Variants in CNTNAP1 observed in about 807,000 individuals in gnomAD.
The protein encoded by CNTNAP1 is contactin-associated protein 1.
In CNTNAP1, 80 loss-of-function variants were observed where a neutral mutation model predicts 161.5. The observed-to-expected ratio is 0.50, with a 90% confidence interval of 0.41 to 0.60. CNTNAP1 has a LOEUF of 0.60. Among genes scored for constraint, CNTNAP1 ranks in the 20% least tolerant of loss-of-function variants. CNTNAP1 has a pLI of 0.00. For synonymous variants in CNTNAP1, 695 were observed against 733.1 expected (o/e 0.95, Z 0.84); for missense variants, 1,464 against 1,854.8 (o/e 0.79, Z 3.87).
intron 6 of CNTNAP1, among the ~76,000 whole-genome samples, 189 bp from the exon 7 acceptor site, chr17:42,686,714 G>A (rs2143652549): frequency 6.6e-6 from 1 of 152,376 alleles, no homozygotes; most frequent in African/African-American, 2.4e-5. Context: ...GCCGATTTGT[G>A]TTGGAGTCAG....
intron 12 of CNTNAP1, 95 bp downstream of exon 12, chr17:42,690,302 A>G (rs1226823695): frequency 6.1e-6 from 9 of 1,465,062 alleles, no homozygotes; most frequent in Non-Finnish European, 8.5e-6. Flanking sequence ...AGTGAGGGTA[A>G]AGGAGGACAG....
chr17:42,683,500 G>T, intron 1 of CNTNAP1: 1 of 1,191,468 alleles, frequency 8.4e-7, no homozygotes, highest in Non-Finnish European at 1.0e-6. Flanking sequence ...GTTGACTTAG[G>T]TTGTGGAAGA....
In CNTNAP1 at chr17:42,689,511, C is replaced by T. The variant is rs900659442; in HGVS notation, c.1629-10C>T. On this transcript the variant is annotated splice_polypyrimidine_tract_variant and intron_variant, in intron 10 of 23. Coordinates refer to ENST00000264638, the MANE Select transcript of CNTNAP1 (RefSeq NM_003632.3). ...AAGGCTCCTTCCCTTGGTCCTGACC[C>T]CTTCCCTAGGTGCAGCCCTAACATG... is the stretch of plus-strand genomic sequence containing the variant. 12 of 1,610,506 alleles carry T rather than the reference C, an allele frequency of 7.5e-6. No homozygotes were observed. Among genetic ancestry groups the T allele is most frequent in the Non-Finnish European group, 9.3e-6 (11 of 1,177,574 alleles).
chr17:42,693,208 C>T, intron 17 of CNTNAP1, 89 bp from the exon 18 acceptor site: 1 of 1,492,622 alleles, frequency 6.7e-7, no homozygotes, highest in Non-Finnish European at 9.2e-7. Context: ...ATTCGCCCGC[C>T]TCGGCCTCCC....
At chr17:42,696,707 G>A (rs2143677641) in intron 20 of CNTNAP1, among the ~76,000 whole-genome samples, 1 of 152,232 alleles carries the variant, frequency 6.6e-6, no homozygotes, top group South Asian at 2.1e-4. Context: ...TCAGGAGGGT[G>A]AGGCAGGAAA....
chr17:42,688,633 C>G (rs938019289), intron 9 of CNTNAP1, 22 bp downstream of exon 9: 4 of 1,614,066 alleles, frequency 2.5e-6, no homozygotes, highest in Non-Finnish European at 2.5e-6. Flanking sequence ...CCAACCTGAC[C>G]AGACCTCTGT....
chr17:42,684,363 G>A (rs947597608), intron 3 of CNTNAP1, 134 bp downstream of exon 3: 1 of 806,218 alleles, frequency 1.2e-6, no homozygotes, highest in Non-Finnish European at 2.0e-6. Flanking sequence ...CCACTCCAGG[G>A]ACTCTGTCCA....
chr17:42,689,510 C>T lies in CNTNAP1; in HGVS notation c.1629-11C>T, dbSNP rs1430220341. On this transcript the variant is annotated splice_polypyrimidine_tract_variant and intron_variant, in intron 10 of 23. Coordinates refer to ENST00000264638, the MANE Select transcript of CNTNAP1 (RefSeq NM_003632.3). ...TAAGGCTCCTTCCCTTGGTCCTGAC[C>T]CCTTCCCTAGGTGCAGCCCTAACAT... is the stretch of plus-strand genomic sequence containing the variant. 4 of 1,609,646 alleles carry T rather than the reference C, an allele frequency of 2.5e-6. No individual in the cohort carries two copies. Among genetic ancestry groups the T allele is most frequent in the Non-Finnish European group, 3.4e-6 (4 of 1,176,736 alleles).
chr17:42,690,147 A>C lies in CNTNAP1; in HGVS notation c.1795A>C (p.Thr599Pro). 1 of 1,613,894 alleles carries C rather than the reference A, an allele frequency of 6.2e-7. No individual in the cohort carries two copies. The highest frequency in any genetic ancestry group is 8.5e-7 in the Non-Finnish European group (1 of 1,179,930). ...RLSGKTSGNFTIDPDGSGPLK... is the reference protein window; with the variant it reads ...RLSGKTSGNFPIDPDGSGPLK... ...CAGTGGGAAAACTTCTGGAAACTTC[A>C]CCATTGATCCTGATGGCAGTGGCCC... Residue 599 changes from threonine to proline, a missense_variant, in exon 12 of 24, where the codon ACC becomes CCC. This residue lies in a region of CNTNAP1 where 1,383 missense variants were observed against 1,765.0 expected (regional missense o/e 0.78). Coordinates refer to ENST00000264638, the MANE Select transcript of CNTNAP1 (RefSeq NM_003632.3).
At position 42,698,828 on chromosome 17, in the gene CNTNAP1, C is replaced by T. The variant is rs745794725; in HGVS notation, c.4073C>T (p.Ala1358Val). The T allele has an allele frequency of 1.1e-5, 17 of 1,601,956 alleles. No homozygotes were observed. The African/African-American group carries it at 1.7e-4, about 16-fold the overall frequency. ...APNQAPASAP[A>V]PAPTPAPAPG... is the part of the protein sequence containing the mutation. The stretch of plus-strand genomic sequence containing the variant: ...AACCAAGCTCCAGCCTCAGCCCCAG[C>T]CCCAGCCCCAACTCCAGCCCCAGCC... The change falls in exon 24 of 24, where the codon GCC (alanine) becomes GTC (valine). Residue 1358 changes from alanine to valine, a missense_variant. Ala to Val is a moderately conservative substitution (Grantham distance 64). Transcript: ENST00000264638.
Position 42,687,508 on chromosome 17 carries a change from G to A in CNTNAP1, c.1045-212G>A. The A allele has an allele frequency of 3.2e-6, 2 of 618,686 alleles. No individual in the cohort carries two copies. The highest frequency in any genetic ancestry group is 4.1e-5 in the South Asian group (2 of 49,240). 38.3% of individuals were successfully genotyped at this position (618,686 alleles called of 1,614,324 possible). A position where few individuals can be genotyped will look rare whatever the true frequency, so the allele number is the denominator to read the frequency against. On this transcript the variant is annotated intron_variant, in intron 7 of 23. Transcript: ENST00000264638. This position sits in a 1 kb window ranked among gnomAD's most constrained non-coding sequence, Gnocchi z 4.7. Reference sequence around the variant, plus strand: ...AGACGGTGGAGATCAGCGAGAGCAAGCGAGCAGAGTTCCGAGGGCCGACTG... The same window carrying A: ...AGACGGTGGAGATCAGCGAGAGCAAACGAGCAGAGTTCCGAGGGCCGACTG...
In CNTNAP1 at chr17:42,690,823, G is replaced by A. The variant is rs2053076436; in HGVS notation, c.1940G>A (p.Gly647Glu). Residue 647 changes from glycine to glutamate, a missense_variant, in exon 13 of 24, where the codon GGG (glycine) becomes GAG (glutamate). This residue lies in a region of CNTNAP1 where 1,383 missense variants were observed against 1,765.0 expected (regional missense o/e 0.78). Coordinates refer to ENST00000264638, the MANE Select transcript of CNTNAP1 (RefSeq NM_003632.3). ...TCCAGCATGGAGCGGCCATTCCTGG[G>A]GGCTATCCAGTACTGGAATGCATCC... ...TGSSMERPFLGAIQYWNASWE... is the reference protein window; with the variant it reads ...TGSSMERPFLEAIQYWNASWE... The A allele has an allele frequency of 6.2e-7, 1 of 1,614,088 alleles. No homozygotes were observed. Among genetic ancestry groups the A allele is most frequent in the South Asian group, 1.1e-5 (1 of 91,094 alleles).
rs2052949401 is a variant in CNTNAP1 at position 42,682,637 on chromosome 17, A to T, written c.-193A>T. On this transcript the variant is annotated 5_prime_UTR_variant, in exon 1 of 24. Transcript: ENST00000264638. ...AGAAGAGCGGAGGACCAGGAACCAG[A>T]GAGAGAGAGAGAGAAAAGAGAGAGG... The T allele has an allele frequency of 1.9e-6, 1 of 517,360 alleles. No individual in the cohort carries two copies. 32.0% of individuals were successfully genotyped at this position (517,360 alleles called of 1,614,324 possible). A position where few individuals can be genotyped will look rare whatever the true frequency, so the allele number is the denominator to read the frequency against.
At position 42,683,871 on chromosome 17, in the gene CNTNAP1, G is replaced by T; in HGVS notation, c.118G>T (p.Ala40Ser). ...TCCCCTGTATGCACGCTCCCTGGGC[G>T]CCTCCTCCTACTACAGTCTCCTTAC... is the stretch of plus-strand genomic sequence containing the variant. ...VGPLYARSLG[A>S]SSYYSLLTAP... is the part of the protein sequence containing the mutation. The change falls in exon 2 of 24, where the codon GCC becomes TCC. Residue 40 changes from alanine to serine, a missense_variant. Physicochemically the swap from Ala to Ser is moderately conservative, Grantham distance 99. This residue lies in a region of CNTNAP1 where 77 missense variants were observed against 73.6 expected (regional missense o/e 1.05). Coordinates refer to ENST00000264638, the MANE Select transcript of CNTNAP1 (RefSeq NM_003632.3). The T allele has an allele frequency of 1.2e-6, 2 of 1,613,166 alleles. No homozygotes were observed. The highest frequency in any genetic ancestry group is 1.7e-6 in the Non-Finnish European group (2 of 1,179,964).
rs1045302292 is a variant in CNTNAP1 at position 42,687,124 on chromosome 17, T to C, written c.1044+78T>C. ...CAAAGAGGTGGAGCGGGAAGAGATA[T>C]TGAACATCAGATAAAAGCGGAGAAT... is the stretch of plus-strand genomic sequence containing the variant. On this transcript the variant is annotated intron_variant, in intron 7 of 23. Transcript: ENST00000264638. This position sits in a 1 kb window ranked among gnomAD's most constrained non-coding sequence, Gnocchi z 4.7. The C allele has an allele frequency of 1.2e-5, 18 of 1,547,380 alleles. No homozygotes were observed. The highest frequency in any genetic ancestry group is 1.8e-5 in the Admixed American group (1 of 54,656).
intron 20 of CNTNAP1, among the ~76,000 whole-genome samples, chr17:42,696,966 G>T (rs1270933108): frequency 6.6e-6 from 1 of 152,096 alleles, no homozygotes; most frequent in Non-Finnish European, 1.5e-5. Flanking sequence ...TTGAGGCCAG[G>T]AGTTTGAGAC....
Position 42,686,155 on chromosome 17 carries a change from G to A in CNTNAP1, c.900+14G>A. 2 of 1,613,434 alleles carry A rather than the reference G, an allele frequency of 1.2e-6. No homozygotes were observed. Among genetic ancestry groups the A allele is most frequent in the African/African-American group, 2.7e-5 (2 of 75,040 alleles). ...CTGGACACTGAGGTGAGAGACTAGG[G>A]AGGTGCTATTTCGTGGTAGGGTAGA... On this transcript the variant is annotated intron_variant, in intron 6 of 23. Transcript: ENST00000264638.
rs772060073 is a variant in CNTNAP1 at position 42,697,932 on chromosome 17, G to A, written c.3844G>A (p.Val1282Ile). Reference sequence around the variant, plus strand: ...CCCCTACTACCATGATGAAGGATGGGTTGCCATACTTTTAGGCTGTGAGTA... The same window carrying A: ...CCCCTACTACCATGATGAAGGATGGATTGCCATACTTTTAGGCTGTGAGTA... ...DFPYYHDEGW[V>I]AILLGFLVAF... Residue 1282 changes from valine (V) to isoleucine (I), a missense_variant, in exon 23 of 24, where the codon GTT becomes ATT. By Grantham distance (29) the Val-to-Ile change is conservative. This residue lies in a region of CNTNAP1 where 1,383 missense variants were observed against 1,765.0 expected (regional missense o/e 0.78). Transcript: ENST00000264638. 3.7e-6 allele frequency: 6 copies of A among 1,614,178 alleles called. No homozygotes were observed. The highest frequency in any genetic ancestry group is 4.2e-6 in the Non-Finnish European group (5 of 1,180,022).
In CNTNAP1 at chr17:42,687,486, C is replaced by A. The variant is rs2053032320; in HGVS notation, c.1045-234C>A. 2 of 592,060 alleles carry A rather than the reference C, an allele frequency of 3.4e-6. No individual in the cohort carries two copies. The highest frequency in any genetic ancestry group is 6.3e-5 in the Admixed American group (2 of 31,892). 36.7% of individuals were successfully genotyped at this position (592,060 alleles called of 1,614,324 possible). A position where few individuals can be genotyped will look rare whatever the true frequency, so the allele number is the denominator to read the frequency against. The stretch of plus-strand genomic sequence containing the variant: ...AGGAGAGAAGCGGTCGAATCGCAGA[C>A]GGTGGAGATCAGCGAGAGCAAGCGA... On this transcript the variant is annotated intron_variant, in intron 7 of 23. Transcript: ENST00000264638. The surrounding 1 kb of genome is among the most constrained non-coding windows in gnomAD (Gnocchi z 4.7).
Sources: gnomAD v4.1 joint callset for allele counts (sites outside exome capture counted in the v4.1 genomes callset) on GRCh38, gnomAD v4.1.1 for gene constraint, gnomAD v4.1.1 regional missense constraint, Gnocchi (gnomAD v3.1) non-coding constraint, MANE v1.5 for transcripts, NCBI Gene and HGNC (gene_info 2026-07-23, HGNC 2026-07-21) for gene names.